Variants in SEC23A observed in about 807,000 individuals in gnomAD.
The protein encoded by SEC23A is SEC23 homolog A, COPII component.
Under a neutral mutation model 103.7 loss-of-function variants are expected in SEC23A, and 56 were observed. That is an observed-to-expected ratio of 0.54 (90% CI 0.44 to 0.67). SEC23A has a LOEUF of 0.67. Among genes scored for constraint, SEC23A ranks in the 30% least tolerant of loss-of-function variants. The pLI, the probability that SEC23A is intolerant of heterozygous loss-of-function variation, is 0.00. For missense variants in SEC23A, 784 were observed against 936.4 expected (o/e 0.84, Z 2.12); for synonymous variants, 281 against 293.0 (o/e 0.96, Z 0.42).
intron 6 of SEC23A, 28 bp from the exon 7 acceptor site, chr14:39,085,934 A>G (rs746656277): frequency 1.3e-6 from 2 of 1,599,178 alleles, no homozygotes; most frequent in Non-Finnish European, 8.6e-7. Context: ...ATAAAAAGCC[A>G]TTTGTAAATG....
intron 19 of SEC23A, among the ~76,000 whole-genome samples, chr14:39,037,562 T>C (rs1336339080): frequency 6.6e-6 from 1 of 152,214 alleles, no homozygotes; most frequent in Admixed American, 6.5e-5. Context: ...TTCTGGAAGT[T>C]GAAGCCATCA....
rs1566515362 is a variant in SEC23A at position 39,094,438 on chromosome 14, ATATATTT to A, written c.222-1201_222-1195del. ...TATATATATATATATATATATATAT[ATATATTT>A]TTTTTTTTTTTTTTTCCCCTCCTGT... On this transcript the variant is annotated intron_variant, in intron 2 of 19. Transcript: ENST00000307712. 4.7e-3 allele frequency among the ~76,000 whole-genome samples: 73 copies of A among 15,670 alleles called. 8 individuals are homozygous for A. The highest frequency in any genetic ancestry group is 6.4e-3 in the Non-Finnish European group (66 of 10,386). The allele number at this position is 15,670 out of a possible 152,430, so 10.3% of individuals were successfully genotyped here.
At chr14:39,042,985 T>G (rs1885699736) in intron 16 of SEC23A, 113 bp from the exon 17 acceptor site, 1 of 744,494 alleles carries the variant, frequency 1.3e-6, no homozygotes, top group African/African-American at 1.8e-5. Flanking sequence ...ATTTATTTAT[T>G]TATTTTTTTG....
At chr14:39,057,371 A>T (rs1461723134) in intron 13 of SEC23A, among the ~76,000 whole-genome samples, 1 of 152,120 alleles carries the variant, frequency 6.6e-6, no homozygotes, top group Non-Finnish European at 1.5e-5. Flanking sequence ...TTTTTTTAAG[A>T]GACAAGGTCT....
intron 15 of SEC23A, 57 bp from the exon 16 acceptor site, chr14:39,045,381 T>C: frequency 7.8e-7 from 1 of 1,287,204 alleles, no homozygotes; most frequent in Non-Finnish European, 1.1e-6. Context: ...AACAGGTGTT[T>C]ACTATTAGCA....
chr14:39,072,408 T>C (rs1886868941), intron 9 of SEC23A, among the ~76,000 whole-genome samples: 1 of 152,174 alleles, frequency 6.6e-6, no homozygotes, highest in Non-Finnish European at 1.5e-5. Context: ...GATATACACA[T>C]GGCCAGTAAG....
At chr14:39,044,101 A>G (rs933737879) in intron 16 of SEC23A, among the ~76,000 whole-genome samples, 3 of 152,154 alleles carry the variant, frequency 2.0e-5, no homozygotes, top group Non-Finnish European at 2.9e-5. Context: ...ATGGACAGAA[A>G]GTAATTATAT....
rs1411452062 is a variant in SEC23A, at chr14:39,067,209, C to T, written c.1191G>A (p.Gln397=). 9.3e-6 allele frequency: 15 copies of T among 1,613,670 alleles called. No individual in the cohort carries two copies. Among genetic ancestry groups the T allele is most frequent in the Non-Finnish European group, 1.3e-5 (15 of 1,179,868 alleles). ...QRVFTKDMHG[Q]FKMGFGGTLE... is the part of the protein sequence containing the mutation. ...GCGTACCACCAAAGCCCATTTTAAA[C>T]TGTCCATGCATGTCTTTGGTAAAGA... is the stretch of plus-strand genomic sequence containing the variant. Residue 397 remains glutamine (Q), a synonymous_variant, in exon 10 of 20, where the codon CAG becomes CAA. Transcript: ENST00000307712.
At chr14:39,098,842 A>C (rs1344316525) in intron 1 of SEC23A, among the ~76,000 whole-genome samples, 1 of 151,862 alleles carries the variant, frequency 6.6e-6, no homozygotes, top group Non-Finnish European at 1.5e-5. Context: ...ACAAAAAATA[A>C]GTCATAAGAA....
Position 39,094,542 on chromosome 14 carries a change from C to G in SEC23A, c.222-1298G>C, listed in dbSNP as rs1224423658. Among the ~76,000 whole-genome samples the G allele has an allele frequency of 4.7e-5, 7 of 149,176 alleles. No individual in the cohort carries two copies. The Admixed American group carries it at 4.7e-4, about 10-fold the overall frequency. ...CCTCCCAAAGCACTGGGATTACAGGCGTGAGCTACTGCACCCAGCCAAAAA... is the reference window on the plus strand; with the variant it reads ...CCTCCCAAAGCACTGGGATTACAGGGGTGAGCTACTGCACCCAGCCAAAAA... On this transcript the variant is annotated intron_variant, in intron 2 of 19. Transcript: ENST00000307712.
At chr14:39,052,441 T>C (rs968072636) in intron 14 of SEC23A, among the ~76,000 whole-genome samples, 1 of 152,130 alleles carries the variant, frequency 6.6e-6, no homozygotes, top group African/African-American at 2.4e-5. Context: ...ATCTGAGTCA[T>C]TTCAGTGTAT....
chr14:39,069,048 A>C (rs1470418574), intron 9 of SEC23A, among the ~76,000 whole-genome samples: 1 of 152,208 alleles, frequency 6.6e-6, no homozygotes, highest in East Asian at 1.9e-4. Context: ...TGATGATCTA[A>C]GTCATCATTA....
At chr14:39,061,312 C>T (rs1319454039) in intron 13 of SEC23A, among the ~76,000 whole-genome samples, 1 of 151,798 alleles carries the variant, frequency 6.6e-6, no homozygotes, top group African/African-American at 2.4e-5. Context: ...TAAAACAGAA[C>T]CTACTCCACA....
At chr14:39,063,212 T>C in intron 12 of SEC23A, 112 bp downstream of exon 12, 6 of 653,394 alleles carry the variant, frequency 9.2e-6, no homozygotes, top group Non-Finnish European at 1.6e-5. Context: ...AGAAAATAAA[T>C]GTTGGGTTAT....
In SEC23A at chr14:39,040,760, T is replaced by A. The variant is rs776215212; in HGVS notation, c.2114A>T (p.Tyr705Phe). Residue 705 changes from tyrosine (Y) to phenylalanine (F), a missense_variant, in exon 18 of 20, where the codon TAC (tyrosine) becomes TTC (phenylalanine). Around this residue, in one of 2 missense-constraint regions of SEC23A, gnomAD observed 101 missense variants for 162.2 expected, o/e 0.62. Coordinates refer to ENST00000307712, the MANE Select transcript of SEC23A (RefSeq NM_006364.4). ...ILHSRFPMPR[Y>F]IDTEHGGSQA... ...GCTGCCTCCATGTTCAGTGTCAATG[T>A]ATCTTGGCATTGGAAATCTGGAGTG... 3 of 1,614,236 alleles carry A rather than the reference T, an allele frequency of 1.9e-6. No individual in the cohort carries two copies.
intron 5 of SEC23A, among the ~76,000 whole-genome samples, chr14:39,090,702 C>G (rs969953103): frequency 6.6e-6 from 1 of 152,166 alleles, no homozygotes; most frequent in Non-Finnish European, 1.5e-5. Flanking sequence ...GAGACCCTCA[C>G]TTCATCAGGT....
chr14:39,075,510 G>A (rs935881886), intron 8 of SEC23A, among the ~76,000 whole-genome samples: 16 of 152,126 alleles, frequency 1.1e-4, no homozygotes, highest in African/African-American at 3.4e-4. Context: ...TGGGAAGTTA[G>A]ATGAACATAA....
rs138260001 is a variant in SEC23A, at chr14:39,076,074, C to A, written c.848G>T (p.Gly283Val). 2 of 1,612,340 alleles carry A rather than the reference C, an allele frequency of 1.2e-6. No homozygotes were observed. The highest frequency in any genetic ancestry group is 1.7e-6 in the Non-Finnish European group (2 of 1,179,274). The change falls in exon 8 of 20, where the codon GGT becomes GTT. Residue 283 changes from glycine to valine, a missense_variant. By Grantham distance (109) the Gly-to-Val change is moderately radical. This residue lies in a region of SEC23A where 683 missense variants were observed against 774.2 expected (regional missense o/e 0.88). Coordinates refer to ENST00000307712, the MANE Select transcript of SEC23A (RefSeq NM_006364.4). ...ACCAATGAACATCATGATACGAGCACCAGTGTTGGGAAAAGTACACTATTA... is the reference window on the plus strand; with the variant it reads ...ACCAATGAACATCATGATACGAGCAACAGTGTTGGGAAAAGTACACTATTA... ...GLLECTFPNT[G>V]ARIMMFIGGP...
chr14:39,092,357 C>T lies in SEC23A; in HGVS notation c.366+184G>A, dbSNP rs1011771363. Among the ~76,000 whole-genome samples, 9 of 152,272 alleles carry T rather than the reference C, an allele frequency of 5.9e-5. No individual in the cohort carries two copies. In the South Asian group the frequency reaches 6.2e-4, roughly 11 times the overall value. ...ACCACCCTACCCAGTATCTTGGCCA[C>T]CCATCAAATAAGTACAACATAGGAA... On this transcript the variant is annotated intron_variant, in intron 4 of 19. Coordinates refer to ENST00000307712, the MANE Select transcript of SEC23A (RefSeq NM_006364.4).
Sources: gnomAD v4.1 joint callset for allele counts (sites outside exome capture counted in the v4.1 genomes callset) on GRCh38, gnomAD v4.1.1 for gene constraint, gnomAD v4.1.1 regional missense constraint, MANE v1.5 for transcripts, NCBI Gene and HGNC (gene_info 2026-07-23, HGNC 2026-07-21) for gene names.